NPAS3: variants seen among roughly 807,000 people sequenced by gnomAD.
NPAS3 encodes neuronal PAS domain-containing protein 3.
In NPAS3, 14 loss-of-function variants were observed where a neutral mutation model predicts 73.1. The observed-to-expected ratio is 0.19, with a 90% CI of 0.13 to 0.30. The LOEUF is 0.30. Ranked by LOEUF, NPAS3 falls within the 10% of genes least tolerant of loss-of-function variation. The probability of loss-of-function intolerance (pLI) is 1.00; values close to 1 mark genes in which losing one functional copy is unlikely to be tolerated. For missense variants in NPAS3, 1,096 were observed against 1,250.0 expected, an observed-to-expected ratio of 0.88 and a Z score of 1.86; for synonymous variants, 620 against 541.5, an observed-to-expected ratio of 1.14 and a Z score of -2.01.
At chr14:33,635,743 C>T (rs765836106) in intron 5 of NPAS3, among the ~76,000 whole-genome samples, 5 of 152,190 alleles carry the variant, frequency 3.3e-5, no homozygotes, top group African/African-American at 7.2e-5. Flanking sequence ...CTGGACTTGT[C>T]GGGGTCTTTG....
At chr14:33,090,853 C>T (rs533008544) in intron 2 of NPAS3, among the ~76,000 whole-genome samples, 21 of 152,254 alleles carry the variant, frequency 1.4e-4, no homozygotes, top group South Asian at 1.2e-3. Context: ...CACTCAAAAC[C>T]GCTCAACTAC....
At chr14:33,787,233 A>G (rs937984725) in intron 9 of NPAS3, among the ~76,000 whole-genome samples, 2 of 152,194 alleles carry the variant, frequency 1.3e-5, no homozygotes, top group African/African-American at 4.8e-5. Context: ...CTAGAACACT[A>G]ACAGTGTTTA....
At chr14:33,694,924 A>C (rs1374247350) in intron 6 of NPAS3, among the ~76,000 whole-genome samples, 3 of 152,128 alleles carry the variant, frequency 2.0e-5, no homozygotes, top group Admixed American at 6.5e-5. Context: ...CTTCATGTAC[A>C]TCTCCTACCA....
At chr14:33,540,912 C>G (rs1021003891) in intron 4 of NPAS3, among the ~76,000 whole-genome samples, 1 of 152,100 alleles carries the variant, frequency 6.6e-6, no homozygotes, top group Admixed American at 6.5e-5. Flanking sequence ...GGGATTATCT[C>G]CTGACACCTC....
chr14:33,088,147 G>C (rs546471433), intron 2 of NPAS3, among the ~76,000 whole-genome samples: 14 of 152,216 alleles, frequency 9.2e-5, no homozygotes, highest in Non-Finnish European at 1.5e-4. Flanking sequence ...ATTTCCAACT[G>C]AGGTACTGGG....
intron 6 of NPAS3, among the ~76,000 whole-genome samples, chr14:33,731,754 C>G (rs1350953983): frequency 6.6e-6 from 1 of 152,150 alleles, no homozygotes; most frequent in Non-Finnish European, 1.5e-5. Flanking sequence ...TGTAAATTTT[C>G]CTGTAAATTT....
intron 5 of NPAS3, among the ~76,000 whole-genome samples, chr14:33,622,939 A>G (rs2140101814): frequency 6.6e-6 from 1 of 152,316 alleles, no homozygotes; most frequent in East Asian, 1.9e-4. Context: ...TGGAAGTGGG[A>G]TCGTATCCCA....
chr14:33,471,669 A>G (rs941287634), intron 4 of NPAS3, among the ~76,000 whole-genome samples: 1 of 152,240 alleles, frequency 6.6e-6, no homozygotes, highest in African/African-American at 2.4e-5. Context: ...TCAACGAGGT[A>G]GGTAGAAATT....
chr14:33,444,111 G>C (rs573446879), intron 4 of NPAS3, among the ~76,000 whole-genome samples: 1 of 152,116 alleles, frequency 6.6e-6, no homozygotes, highest in Non-Finnish European at 1.5e-5. Context: ...AGAGACATTC[G>C]ATTTAGAATC....
chr14:33,616,271 T>G (rs1228499500), intron 5 of NPAS3, among the ~76,000 whole-genome samples: 2 of 152,196 alleles, frequency 1.3e-5, no homozygotes, highest in African/African-American at 4.8e-5. Flanking sequence ...GACGAAGATG[T>G]GATGTGCTTC....
intron 4 of NPAS3, among the ~76,000 whole-genome samples, chr14:33,380,329 C>G (rs1320688195): frequency 6.6e-6 from 1 of 151,900 alleles, no homozygotes; most frequent in Non-Finnish European, 1.5e-5. Context: ...ACAAGAAAGG[C>G]ACTGTAGGGA....
intron 2 of NPAS3, among the ~76,000 whole-genome samples, chr14:33,191,372 C>T (rs983805386): frequency 4.1e-4 from 62 of 152,116 alleles, no homozygotes; most frequent in African/African-American, 1.5e-3. Flanking sequence ...ATAATTTGAG[C>T]ATTTAGTCAT....
At chr14:33,398,206 C>T (rs1243599263) in intron 4 of NPAS3, among the ~76,000 whole-genome samples, 1 of 151,980 alleles carries the variant, frequency 6.6e-6, no homozygotes, top group African/African-American at 2.4e-5. Context: ...AGTCTAATTT[C>T]CCGAAGATTA....
At chr14:33,216,603 TGTA>T (rs1288545652) in intron 3 of NPAS3, among the ~76,000 whole-genome samples, 2 of 152,220 alleles carry the variant, frequency 1.3e-5, no homozygotes, top group Non-Finnish European at 2.9e-5. Flanking sequence ...TAAAGGGCCA[TGTA>T]GTAAATATTT....
At chr14:33,205,553 A>G (rs1003707499) in intron 2 of NPAS3, among the ~76,000 whole-genome samples, 1 of 152,186 alleles carries the variant, frequency 6.6e-6, no homozygotes, top group African/African-American at 2.4e-5. Flanking sequence ...TGAAATAACA[A>G]TGTGTCTTAA....
chr14:33,743,083 C>A (rs190215708), intron 7 of NPAS3, among the ~76,000 whole-genome samples: 361 of 151,640 alleles, frequency 2.4e-3, no homozygotes, highest in Non-Finnish European at 4.4e-3. Context: ...CTTCAAACTC[C>A]TGTTCATGTG....
At chr14:33,495,771 T>C (rs1327201825) in intron 4 of NPAS3, among the ~76,000 whole-genome samples, 2 of 152,092 alleles carry the variant, frequency 1.3e-5, no homozygotes, top group Non-Finnish European at 2.9e-5. Flanking sequence ...GTTTAACGTC[T>C]GTTTTATCAG....
intron 3 of NPAS3, among the ~76,000 whole-genome samples, chr14:33,320,073 G>A (rs563195344): frequency 6.6e-6 from 1 of 152,060 alleles, no homozygotes; most frequent in Non-Finnish European, 1.5e-5. Context: ...GAGGAATTGG[G>A]GTTGGAGAAG....
At chr14:33,439,882 G>A (rs1398799597) in intron 4 of NPAS3, among the ~76,000 whole-genome samples, 2 of 152,164 alleles carry the variant, frequency 1.3e-5, no homozygotes. Flanking sequence ...TTGGGAGGCC[G>A]AGGCGGGTGC....
Sources: allele counts gnomAD v4.1 joint callset (sites outside exome capture counted in the v4.1 genomes callset), GRCh38; gene constraint gnomAD v4.1.1; transcripts MANE v1.5; gene names NCBI Gene and HGNC (gene_info 2026-07-23, HGNC 2026-07-21).